The following IFITM10 variants were observed in gnomAD, a reference collection of about 807,000 sequenced individuals.
IFITM10 encodes the protein interferon-induced transmembrane protein 10.
Under a neutral mutation model 19.0 loss-of-function variants are expected in IFITM10, and 17 were observed. The ratio of observed to expected loss-of-function variants is 0.90; its 90% CI spans 0.61 to 1.34. The LOEUF is 1.34. IFITM10 is among the 40% of genes most tolerant of loss of function. IFITM10 has a pLI of 0.00. For synonymous variants in IFITM10, 148 were observed against 147.2 expected (o/e 1.01, Z -0.04); for missense variants, 306 against 319.8 (o/e 0.96, Z 0.33).
intron 2 of IFITM10, among the ~76,000 whole-genome samples, chr11:1,741,833 G>A (rs1845573295): frequency 1.3e-5 from 2 of 152,098 alleles, no homozygotes; most frequent in Admixed American, 1.3e-4. Flanking sequence ...GTAGGAGGTG[G>A]GGCTCTTGAG....
chr11:1,736,695 C>A (rs371342964), intron 2 of IFITM10, among the ~76,000 whole-genome samples: 1 of 118,276 alleles, frequency 8.5e-6, no homozygotes, highest in Non-Finnish European at 1.8e-5. Flanking sequence ...GGATGGAGTG[C>A]AGTGGGTGGA....
Position 1,750,365 on chromosome 11 carries a change from C to T in IFITM10, c.78G>A (p.Glu26=), listed in dbSNP as rs1388654428. Residue 26 remains glutamate, a synonymous_variant, in exon 1 of 3, where the codon GAG becomes GAA. Coordinates refer to ENST00000340134, the MANE Select transcript of IFITM10 (RefSeq NM_001170820.4). Reference sequence around the variant, plus strand: ...CTGGGTCCTCTTCACCAACCTCCAGCTCCCACTGAGCCTCGACCCTCTCCA... The same window carrying T: ...CTGGGTCCTCTTCACCAACCTCCAGTTCCCACTGAGCCTCGACCCTCTCCA... The part of the protein sequence containing the change: ...GTLERVEAQW[E]LEAQGPGQCP... The T allele has an allele frequency of 3.9e-6, 6 of 1,550,428 alleles. No individual in the cohort carries two copies. The highest frequency in any genetic ancestry group is 1.4e-5 in the African/African-American group (1 of 72,994).
Position 1,748,092 on chromosome 11 carries a change from G to T in IFITM10, c.112C>A (p.Pro38Thr). The change falls in exon 2 of 3, where the codon CCG becomes ACG. Residue 38 changes from proline (P) to threonine (T), a missense_variant. Transcript: ENST00000340134. ...EAQGPGQCPA[P>T]LGDPASTTDG... ...GTGGTGCTGGCCGGGTCTCCCAGCG[G>T]GGCTGGGCACTGGCCGGGGCCCTGG... 7.1e-7 allele frequency: 1 copy of T among 1,406,984 alleles called. No homozygotes were observed. 87.2% of individuals were successfully genotyped at this position (1,406,984 alleles called of 1,614,324 possible). A position where few individuals can be genotyped will look rare whatever the true frequency, so the allele number is the denominator to read the frequency against.
intron 2 of IFITM10, among the ~76,000 whole-genome samples, chr11:1,747,227 C>A (rs1845661221): frequency 6.6e-6 from 1 of 152,126 alleles, no homozygotes; most frequent in Admixed American, 6.5e-5. Context: ...AGAAGGTGGC[C>A]CCTCTTCCTT....
chr11:1,742,974 GATGGATGGATGGACAT>G (rs1380455113), intron 2 of IFITM10, among the ~76,000 whole-genome samples: 1 of 137,748 alleles, frequency 7.3e-6, no homozygotes, highest in African/African-American at 3.1e-5. Context: ...ATGGAGGATG[GATGGATGGATGGACAT>G]ATGGATGGAT....
At chr11:1,737,873 G>T (rs1851103335) in intron 2 of IFITM10, among the ~76,000 whole-genome samples, 1 of 152,014 alleles carries the variant, frequency 6.6e-6, no homozygotes, top group Non-Finnish European at 1.5e-5. Flanking sequence ...AAAACTTTTG[G>T]TCTTGATTTC....
chr11:1,748,229 G>T lies in IFITM10; in HGVS notation c.85-110C>A, dbSNP rs561668204. ...CAGTGGAGACGGAAATCCCTGCGGGGGCCGCCAGCTGCCAGCCTGCCACCT... is the reference window on the plus strand; with the variant it reads ...CAGTGGAGACGGAAATCCCTGCGGGTGCCGCCAGCTGCCAGCCTGCCACCT... On this transcript the variant is annotated intron_variant, in intron 1 of 2. Transcript: ENST00000340134. 4.5e-6 allele frequency: 4 copies of T among 882,062 alleles called. No homozygotes were observed. In the South Asian group the frequency reaches 2.0e-4, roughly 44 times the overall value. The allele number at this position is 882,062 out of a possible 1,614,324, so 54.6% of individuals were successfully genotyped here.
In IFITM10 at chr11:1,750,588, C is replaced by G. The variant is rs778419604; in HGVS notation, c.-146G>C. The G allele has an allele frequency of 1.2e-5, 12 of 1,007,192 alleles. No individual in the cohort carries two copies. Among genetic ancestry groups the G allele is most frequent in the East Asian group, 5.2e-5 (2 of 38,302 alleles). The allele number at this position is 1,007,192 out of a possible 1,614,324, so 62.4% of individuals were successfully genotyped here. A position where few individuals can be genotyped will look rare whatever the true frequency, so the allele number is the denominator to read the frequency against. On this transcript the variant is annotated 5_prime_UTR_variant, in exon 1 of 3. Transcript: ENST00000340134. The stretch of plus-strand genomic sequence containing the variant: ...TGCCTGCCTGTGCCTGACTCTGAAC[C>G]CTTTCTCTCCCCAAACCTCTGTTCT...
At chr11:1,743,392 G>T (rs556427717) in intron 2 of IFITM10, among the ~76,000 whole-genome samples, 6 of 150,616 alleles carry the variant, frequency 4.0e-5, no homozygotes, top group Non-Finnish European at 7.4e-5. Context: ...TGAATGGATG[G>T]AAGATGGATA....
chr11:1,746,354 GCA>G lies in IFITM10; in HGVS notation c.537+1311_537+1312del, dbSNP rs1332895246. ...CACAGTCATACACATGCACACACATGCACACACAAAAATATATGTACACACTC... is the reference window on the plus strand; with the variant it reads ...CACAGTCATACACATGCACACACATGCACACAAAAATATATGTACACACTC... On this transcript the variant is annotated intron_variant, in intron 2 of 2. Coordinates refer to ENST00000340134, the MANE Select transcript of IFITM10 (RefSeq NM_001170820.4). 1.4e-4 allele frequency: 55 copies of G among 391,984 alleles called. No individual in the cohort carries two copies. In the East Asian group the frequency reaches 1.8e-3, roughly 13 times the overall value. 24.3% of individuals were successfully genotyped at this position (391,984 alleles called of 1,614,324 possible).
In IFITM10 at chr11:1,735,228, GA is replaced by G. The variant is rs1851072863; in HGVS notation, c.*51del. ...GGATCCTGCGTTTCAGGGACCATGA[GA>G]ATAAACATGTCTCAGTGCTTGTCTC... On this transcript the variant is annotated 3_prime_UTR_variant, in exon 3 of 3. Coordinates refer to ENST00000340134, the MANE Select transcript of IFITM10 (RefSeq NM_001170820.4). 1 of 1,539,364 alleles carries G rather than the reference GA, an allele frequency of 6.5e-7. No homozygotes were observed. Among genetic ancestry groups the G allele is most frequent in the African/African-American group, 1.4e-5 (1 of 72,760 alleles).
intron 2 of IFITM10, among the ~76,000 whole-genome samples, chr11:1,739,053 CAAAAAAAAAAAAAA>C (rs71025777): frequency 7.1e-5 from 3 of 42,106 alleles, no homozygotes; most frequent in African/African-American, 1.2e-4. Context: ...GACTCCGTCT[CAAAAAAAAAAAAAA>C]AAAAAAAAAA....
At chr11:1,736,843 G>A (rs1463036753) in intron 2 of IFITM10, among the ~76,000 whole-genome samples, 1 of 151,818 alleles carries the variant, frequency 6.6e-6, no homozygotes, top group Non-Finnish European at 1.5e-5. Context: ...ATGGAGTGGA[G>A]TCAATGGAGT....
intron 2 of IFITM10, among the ~76,000 whole-genome samples, chr11:1,740,299 C>CA (rs58480346): frequency 0.048 from 1,927 of 40,564 alleles, 180 homozygotes; most frequent in Middle Eastern, 0.062. Context: ...GACTCCATCT[C>CA]AAAAAAAAAA....
Position 1,735,341 on chromosome 11 carries a change from A to G in IFITM10, c.626T>C (p.Leu209Pro). 4 of 1,551,750 alleles carry G rather than the reference A, an allele frequency of 2.6e-6. No homozygotes were observed. Among genetic ancestry groups the G allele is most frequent in the Non-Finnish European group, 3.5e-6 (4 of 1,146,982 alleles). The change falls in exon 3 of 3, where the codon CTG (leucine) becomes CCG (proline). Residue 209 changes from leucine (L) to proline (P), a missense_variant. By Grantham distance (98) the Leu-to-Pro change is moderately conservative (BLOSUM62 -3). Transcript: ENST00000340134. ...ARLFNITSSA[L>P]AASCIILVFI... is the part of the protein sequence containing the mutation. ...GACGAGGATGATGCAGGAGGCTGCCAGGGCAGAACTGGTGATGTTGAACAG... is the reference window on the plus strand; with the variant it reads ...GACGAGGATGATGCAGGAGGCTGCCGGGGCAGAACTGGTGATGTTGAACAG...
Position 1,735,393 on chromosome 11 carries a change from C to T in IFITM10, c.574G>A (p.Ala192Thr). 6.4e-7 allele frequency: 1 copy of T among 1,551,700 alleles called. No homozygotes were observed. Among genetic ancestry groups the T allele is most frequent in the South Asian group, 1.2e-5 (1 of 84,056 alleles). Reference sequence around the variant, plus strand: ...CGGGCCGTCTTTGCATCCTCCACGGCTCCATTCAGGTCATTGAGAAGCTTC... The same window carrying T: ...CGGGCCGTCTTTGCATCCTCCACGGTTCCATTCAGGTCATTGAGAAGCTTC... ...DKKLLNDLNGAVEDAKTARLF... is the reference protein window; with the variant it reads ...DKKLLNDLNGTVEDAKTARLF... Residue 192 changes from alanine to threonine, a missense_variant, in exon 3 of 3, where the codon GCC (alanine) becomes ACC (threonine). By Grantham distance (58) the Ala-to-Thr change is moderately conservative (BLOSUM62 0). Transcript: ENST00000340134.
intron 1 of IFITM10, among the ~76,000 whole-genome samples, chr11:1,749,893 G>A (rs1455371789): frequency 6.6e-6 from 1 of 152,044 alleles, no homozygotes; most frequent in African/African-American, 2.4e-5. Context: ...TCACCCAGCC[G>A]GGGCCCCACT....
At chr11:1,748,938 G>A in intron 1 of IFITM10, 1 of 633,292 alleles carries the variant, frequency 1.6e-6, no homozygotes, top group Non-Finnish European at 2.0e-6. Flanking sequence ...GCGCTCGCCG[G>A]GGGGTCTGCG....
chr11:1,745,789 T>G (rs1352923324), intron 2 of IFITM10: 3 of 144,002 alleles, frequency 2.1e-5, no homozygotes, highest in Non-Finnish European at 4.5e-5. Context: ...ATGCACACAC[T>G]CAGGTACATA....
Sources: allele counts gnomAD v4.1 joint callset (sites outside exome capture counted in the v4.1 genomes callset), GRCh38; gene constraint gnomAD v4.1.1; transcripts MANE v1.5; gene names NCBI Gene and HGNC (gene_info 2026-07-23, HGNC 2026-07-21).